Variants in TBC1D1 observed in about 807,000 individuals in gnomAD.
TBC1D1 encodes the protein TBC1 (tre-2/USP6, BUB2, cdc16) domain family, member 1.
In TBC1D1, 89 loss-of-function variants were observed where a neutral mutation model predicts 125.6. That is an observed-to-expected ratio of 0.71 (90% CI 0.60 to 0.85). The LOEUF is 0.85. Ranked by LOEUF, TBC1D1 falls within the 40% of genes least tolerant of loss-of-function variation. TBC1D1 has a pLI of 0.00. For missense variants in TBC1D1, 1,377 were observed against 1,469.2 expected (o/e 0.94, Z 1.03); for synonymous variants, 565 against 564.1 (o/e 1.00, Z -0.02).
At chr4:37,988,021 T>C (rs1386974396) in intron 2 of TBC1D1, among the ~76,000 whole-genome samples, 1 of 152,204 alleles carries the variant, frequency 6.6e-6, no homozygotes, top group African/African-American at 2.4e-5. Context: ...CTGTGTTTGC[T>C]GTTTAGCCTT....
chr4:38,120,582 C>T (rs187686576), intron 17 of TBC1D1, among the ~76,000 whole-genome samples: 54 of 152,322 alleles, frequency 3.5e-4, no homozygotes, highest in African/African-American at 1.3e-3. Context: ...TTTCAGTTTG[C>T]ACCACCTTAG....
At chr4:38,002,988 G>T (rs755457012) in intron 2 of TBC1D1, among the ~76,000 whole-genome samples, 3 of 152,214 alleles carry the variant, frequency 2.0e-5, no homozygotes, top group African/African-American at 7.2e-5. Flanking sequence ...TAGCAAGGAA[G>T]TCCCTTCTGC....
chr4:37,986,056 G>A (rs1735377859), intron 2 of TBC1D1, among the ~76,000 whole-genome samples: 1 of 152,346 alleles, frequency 6.6e-6, no homozygotes, highest in African/African-American at 2.4e-5. Flanking sequence ...AGGCACATCA[G>A]TATAAATAAA....
intron 2 of TBC1D1, among the ~76,000 whole-genome samples, chr4:37,921,638 C>A (rs1039415552): frequency 1.3e-5 from 2 of 151,744 alleles, no homozygotes; most frequent in Non-Finnish European, 2.9e-5. Context: ...GTCTCGATCT[C>A]TTGACCTCAT....
chr4:38,128,628 G>A (rs1248849143), intron 18 of TBC1D1, among the ~76,000 whole-genome samples: 2 of 152,188 alleles, frequency 1.3e-5, no homozygotes, highest in Non-Finnish European at 2.9e-5. Flanking sequence ...GACACAGCTG[G>A]ATCCTGGGTG....
At chr4:38,085,484 T>C (rs1863325) in intron 12 of TBC1D1, among the ~76,000 whole-genome samples, 65,701 of 151,986 alleles carry the variant, frequency 0.43, 16,141 homozygotes, top group East Asian at 0.66. Context: ...CAGTCGGCGG[T>C]GAATATCATT....
In TBC1D1 at chr4:38,137,925, C is replaced by T. The variant is rs1286278977; in HGVS notation, c.*590C>T. ...CCAAGATGATGAGTTCAGCCTTTATCCCTCGTGGTTCCACTAGATGTAACT... is the reference window on the plus strand; with the variant it reads ...CCAAGATGATGAGTTCAGCCTTTATTCCTCGTGGTTCCACTAGATGTAACT... On this transcript the variant is annotated 3_prime_UTR_variant, in exon 20 of 20. Coordinates refer to ENST00000261439, the MANE Select transcript of TBC1D1 (RefSeq NM_015173.4). 6.6e-6 allele frequency: 1 copy of T among 152,646 alleles called. No individual in the cohort carries two copies. 9.5% of individuals were successfully genotyped at this position (152,646 alleles called of 1,614,324 possible).
intron 15 of TBC1D1, among the ~76,000 whole-genome samples, chr4:38,112,639 A>G (rs1762381124): frequency 6.6e-6 from 1 of 152,226 alleles, no homozygotes; most frequent in South Asian, 2.1e-4. Flanking sequence ...ACTTACTTCA[A>G]ATGCCATTGA....
intron 2 of TBC1D1, chr4:37,960,844 C>T: frequency 8.7e-6 from 14 of 1,614,150 alleles, no homozygotes; most frequent in Non-Finnish European, 1.2e-5. Context: ...CGCCAGATTG[C>T]ACACCTCCCC....
chr4:38,011,157 G>A (rs562046900), intron 2 of TBC1D1, among the ~76,000 whole-genome samples: 1 of 152,104 alleles, frequency 6.6e-6, no homozygotes, highest in Admixed American at 6.5e-5. Flanking sequence ...TTCAAGACCA[G>A]CCTGACCGAC....
chr4:38,108,017 A>G (rs1761622073), intron 15 of TBC1D1, among the ~76,000 whole-genome samples: 4 of 152,128 alleles, frequency 2.6e-5, no homozygotes, highest in Admixed American at 2.0e-4. Context: ...TACTCATCAC[A>G]TTATTCTTGA....
chr4:37,900,694 C>T (rs1206020721), intron 1 of TBC1D1, among the ~76,000 whole-genome samples: 1 of 152,000 alleles, frequency 6.6e-6, no homozygotes, highest in African/African-American at 2.4e-5. Flanking sequence ...GCTTGAGATC[C>T]CACAGACAAC....
chr4:38,062,536 T>A (rs1752949315), intron 12 of TBC1D1, among the ~76,000 whole-genome samples: 1 of 152,128 alleles, frequency 6.6e-6, no homozygotes, highest in Non-Finnish European at 1.5e-5. Flanking sequence ...CAAGATAAAA[T>A]ATTGCAAGCC....
chr4:37,988,894 C>T (rs1578170484), intron 2 of TBC1D1, among the ~76,000 whole-genome samples: 1 of 152,162 alleles, frequency 6.6e-6, no homozygotes, highest in East Asian at 1.9e-4. Context: ...GCACAACTGA[C>T]CAGCGTAAAC....
chr4:37,912,569 C>T (rs894420342), intron 2 of TBC1D1, among the ~76,000 whole-genome samples: 1 of 152,176 alleles, frequency 6.6e-6, no homozygotes, highest in East Asian at 1.9e-4. Context: ...GTGTCTTCTC[C>T]AATATGTCTG....
At chr4:37,974,665 C>G (rs552874090) in intron 2 of TBC1D1, among the ~76,000 whole-genome samples, 4 of 152,268 alleles carry the variant, frequency 2.6e-5, no homozygotes, top group African/African-American at 9.6e-5. Flanking sequence ...TCCAGTGATT[C>G]TCCTGTCTCA....
chr4:38,117,337 G>C (rs952409200), intron 16 of TBC1D1, among the ~76,000 whole-genome samples: 1 of 152,000 alleles, frequency 6.6e-6, no homozygotes, highest in Admixed American at 6.6e-5. Context: ...GCTGGCTCTC[G>C]GGCCTCTGTG....
intron 12 of TBC1D1, among the ~76,000 whole-genome samples, chr4:38,084,739 G>A (rs1347688122): frequency 7.2e-6 from 1 of 138,086 alleles, no homozygotes; most frequent in Non-Finnish European, 1.5e-5. Flanking sequence ...TTTTTTTTTC[G>A]CATGGAGTTC....
At chr4:37,891,537 C>G (rs1001420659) in intron 1 of TBC1D1, among the ~76,000 whole-genome samples, 189 bp downstream of exon 1, 1 of 127,838 alleles carries the variant, frequency 7.8e-6, no homozygotes, top group African/African-American at 2.9e-5. Flanking sequence ...CCCCCCTTAC[C>G]CCCCCACCCC....
Sources: allele counts gnomAD v4.1 joint callset (sites outside exome capture counted in the v4.1 genomes callset), GRCh38; gene constraint gnomAD v4.1.1; transcripts MANE v1.5; gene names NCBI Gene and HGNC (gene_info 2026-07-23, HGNC 2026-07-21).